Variants in LOC400499 observed in about 807,000 individuals in gnomAD.
At chr16:11,501,445 C>A in the LOC400499 span, among the ~76,000 whole-genome samples, 2 of 152,206 alleles carry the variant, frequency 1.3e-5, no homozygotes, top group African/African-American at 2.4e-5. Flanking sequence ...GTAGCCGCCA[C>A]CTCCTGGGCT....
the LOC400499 span, chr16:11,393,616 T>TC: frequency 1.6e-6 from 2 of 1,218,140 alleles, no homozygotes; most frequent in African/African-American, 1.6e-5. Flanking sequence ...CCCTGGTCTC[T>TC]CCCCTGCCCG....
At chr16:11,398,931 G>A in the LOC400499 span, among the ~76,000 whole-genome samples, 3 of 152,082 alleles carry the variant, frequency 2.0e-5, no homozygotes, top group South Asian at 2.1e-4. Flanking sequence ...GGTGTGATTC[G>A]CCATGCCCCG....
the LOC400499 span, among the ~76,000 whole-genome samples, chr16:11,467,970 AGGGAAGACTAT>A: frequency 6.6e-6 from 1 of 152,168 alleles, no homozygotes; most frequent in Non-Finnish European, 1.5e-5. Flanking sequence ...ACACCTACAA[AGGGAAGACTAT>A]GGGAAGACAG....
At chr16:11,475,004 C>T in the LOC400499 span, among the ~76,000 whole-genome samples, 123 of 152,294 alleles carry the variant, frequency 8.1e-4, 1 homozygote, top group Admixed American at 2.5e-3. Flanking sequence ...TAAATATTTG[C>T]GCAGCTATTC....
the LOC400499 span, among the ~76,000 whole-genome samples, chr16:11,452,868 C>T: frequency 6.6e-6 from 1 of 152,226 alleles, no homozygotes. Flanking sequence ...CAGAAGATTT[C>T]TAATCTTTTA....
the LOC400499 span, among the ~76,000 whole-genome samples, chr16:11,389,513 C>G: frequency 4.6e-5 from 7 of 151,982 alleles, no homozygotes; most frequent in Non-Finnish European, 8.8e-5. Flanking sequence ...AGAACCCTGT[C>G]TCTACTAAAA....
the LOC400499 span, among the ~76,000 whole-genome samples, chr16:11,455,554 G>A: frequency 6.6e-6 from 1 of 152,026 alleles, no homozygotes; most frequent in South Asian, 2.1e-4. Context: ...GGCCAACAGA[G>A]TGAAACCCCG....
the LOC400499 span, among the ~76,000 whole-genome samples, chr16:11,464,008 G>C: frequency 3.3e-5 from 5 of 152,162 alleles, no homozygotes; most frequent in Non-Finnish European, 7.3e-5. Flanking sequence ...TGTGCATACA[G>C]ATATGCATTT....
the LOC400499 span, chr16:11,392,706 T>C: frequency 2.2e-6 from 2 of 897,718 alleles, no homozygotes; most frequent in Admixed American, 6.2e-5. Flanking sequence ...GGCAGTCAGT[T>C]AGGGATGCCA....
chr16:11,407,185 C>T, the LOC400499 span: 13 of 398,910 alleles, frequency 3.3e-5, no homozygotes, highest in Non-Finnish European at 4.9e-5. Flanking sequence ...CGGCCCTGGG[C>T]TGACCTCCAC....
At chr16:11,437,370 C>G in the LOC400499 span, among the ~76,000 whole-genome samples, 2 of 152,180 alleles carry the variant, frequency 1.3e-5, no homozygotes, top group Non-Finnish European at 2.9e-5. Context: ...CCAGCCTGAA[C>G]AACAGAGCAA....
the LOC400499 span, among the ~76,000 whole-genome samples, chr16:11,484,631 G>T: frequency 1.3e-5 from 2 of 152,128 alleles, no homozygotes; most frequent in African/African-American, 2.4e-5. Context: ...GTATTGAGGT[G>T]GTGGACAGGC....
chr16:11,415,822 C>A, the LOC400499 span, among the ~76,000 whole-genome samples: 94 of 152,186 alleles, frequency 6.2e-4, no homozygotes, highest in African/African-American at 2.2e-3. Flanking sequence ...GGCCTCCCCT[C>A]ACTTGACTGT....
the LOC400499 span, among the ~76,000 whole-genome samples, chr16:11,506,609 G>C: frequency 2.6e-5 from 4 of 152,114 alleles, no homozygotes; most frequent in African/African-American, 9.7e-5. Flanking sequence ...CAACCCCACT[G>C]CACCCTTGCT....
the LOC400499 span, among the ~76,000 whole-genome samples, chr16:11,509,755 T>C: frequency 1.3e-5 from 2 of 151,958 alleles, no homozygotes; most frequent in Admixed American, 1.3e-4. Flanking sequence ...TGCTTGAACC[T>C]GGGAGGCTGA....
At chr16:11,430,606 G>A in the LOC400499 span, among the ~76,000 whole-genome samples, 1 of 152,170 alleles carries the variant, frequency 6.6e-6, no homozygotes, top group Non-Finnish European at 1.5e-5. Context: ...GAATGATAAG[G>A]GAAATGTAAA....
At chr16:11,469,636 G>C in the LOC400499 span, 1 of 399,024 alleles carries the variant, frequency 2.5e-6, no homozygotes, top group Non-Finnish European at 4.4e-6. Context: ...GAAGACGTGG[G>C]CTGTGGCTTC....
chr16:11,467,763 T>C, the LOC400499 span, among the ~76,000 whole-genome samples: 1 of 151,860 alleles, frequency 6.6e-6, no homozygotes, highest in South Asian at 2.1e-4. Flanking sequence ...AAACTAAAAA[T>C]ATTTGCAAAT....
chr16:11,403,284 G>A, the LOC400499 span, among the ~76,000 whole-genome samples: 2 of 152,200 alleles, frequency 1.3e-5, no homozygotes, highest in African/African-American at 4.8e-5. Context: ...CCAGTCATTG[G>A]TTCTGGGGAG....
Sources: allele counts gnomAD v4.1 joint callset (sites outside exome capture counted in the v4.1 genomes callset), GRCh38; gene constraint gnomAD v4.1.1; transcripts MANE v1.5.